PCDH15: variants seen among roughly 807,000 people sequenced by gnomAD.
The protein encoded by PCDH15 is protocadherin related 15.
In PCDH15, 129 loss-of-function variants were observed where a neutral mutation model predicts 178.5. That is an observed-to-expected ratio of 0.72 (90% CI 0.63 to 0.84). The LOEUF is 0.84. Ranked by LOEUF, PCDH15 falls within the 40% of genes least tolerant of loss-of-function variation. PCDH15 has a pLI of 0.00. For synonymous variants in PCDH15, 800 were observed against 732.0 expected, an observed-to-expected ratio of 1.09 and a Z score of -1.50; for missense variants, 2,230 against 2,099.9, an observed-to-expected ratio of 1.06 and a Z score of -1.21.
intron 2 of PCDH15, among the ~76,000 whole-genome samples, chr10:54,549,206 T>C (rs2086250735): frequency 6.9e-6 from 1 of 145,150 alleles, no homozygotes; most frequent in Non-Finnish European, 1.5e-5. Context: ...TCTTTGTCCT[T>C]ATTCTCTTTT....
chr10:54,235,432 G>A (rs1033682865), intron 9 of PCDH15, among the ~76,000 whole-genome samples: 3 of 152,140 alleles, frequency 2.0e-5, no homozygotes, highest in African/African-American at 7.2e-5. Flanking sequence ...CTGGCTCTGA[G>A]TATCATAATT....
intron 2 of PCDH15, among the ~76,000 whole-genome samples, chr10:55,560,868 A>G (rs769378849): frequency 9.9e-5 from 14 of 141,770 alleles, no homozygotes; most frequent in Non-Finnish European, 1.7e-4. Flanking sequence ...AGGGAAATAT[A>G]ACATATAAAT....
intron 2 of PCDH15, among the ~76,000 whole-genome samples, chr10:55,004,907 G>A (rs1839887278): frequency 6.6e-6 from 1 of 151,944 alleles, no homozygotes; most frequent in South Asian, 2.1e-4. Context: ...GAAAAAAAGT[G>A]GCAAAATTTT....
intron 3 of PCDH15, among the ~76,000 whole-genome samples, chr10:54,516,119 C>T (rs908120349): frequency 1.3e-5 from 2 of 152,162 alleles, no homozygotes; most frequent in Non-Finnish European, 2.9e-5. Context: ...TGCAGTTCCT[C>T]ACCAGCAACG....
At chr10:54,118,685 A>T (rs1032379065) in intron 15 of PCDH15, among the ~76,000 whole-genome samples, 2 of 150,648 alleles carry the variant, frequency 1.3e-5, no homozygotes, top group African/African-American at 2.5e-5. Flanking sequence ...AATAAATATT[A>T]AAAAAAATAA....
intron 2 of PCDH15, among the ~76,000 whole-genome samples, chr10:54,583,412 T>C (rs946925034): frequency 6.6e-6 from 1 of 152,014 alleles, no homozygotes; most frequent in African/African-American, 2.4e-5. Flanking sequence ...TGTTACCTTT[T>C]CATGGAGAGG....
chr10:54,478,248 C>T (rs575594116), intron 3 of PCDH15, among the ~76,000 whole-genome samples: 2 of 151,734 alleles, frequency 1.3e-5, no homozygotes, highest in Non-Finnish European at 2.9e-5. Flanking sequence ...AATCGGCAGG[C>T]ATATGCAGAT....
At chr10:53,809,511 T>G (rs1413409135) in intron 37 of PCDH15, 1 of 1,610,220 alleles carries the variant, frequency 6.2e-7, no homozygotes. Flanking sequence ...GCTCTCTAAT[T>G]TCAACCTTTG....
intron 3 of PCDH15, among the ~76,000 whole-genome samples, chr10:54,416,495 T>C (rs1235738973): frequency 6.6e-6 from 1 of 152,180 alleles, no homozygotes; most frequent in Non-Finnish European, 1.5e-5. Flanking sequence ...TTGGTGTATA[T>C]GTACCACATT....
chr10:54,917,061 G>A (rs1837355025), intron 2 of PCDH15, among the ~76,000 whole-genome samples: 1 of 152,188 alleles, frequency 6.6e-6, no homozygotes, highest in Non-Finnish European at 1.5e-5. Flanking sequence ...GCAGATGGAA[G>A]AGTGTTGAAT....
intron 1 of PCDH15, among the ~76,000 whole-genome samples, chr10:54,775,803 G>A (rs996655613): frequency 2.6e-5 from 4 of 152,142 alleles, no homozygotes; most frequent in Admixed American, 1.3e-4. Flanking sequence ...GGAGAATGGC[G>A]TGAACCCGGG....
chr10:54,873,695 T>TTTTATATATATA (rs1554809277), intron 3 of PCDH15, among the ~76,000 whole-genome samples: 5 of 138,928 alleles, frequency 3.6e-5, no homozygotes, highest in African/African-American at 1.1e-4. Flanking sequence ...CTGCTGTATT[T>TTTTATATATATA]TATATATATA....
At chr10:54,839,812 G>A (rs185761633) in intron 3 of PCDH15, among the ~76,000 whole-genome samples, 4 of 152,050 alleles carry the variant, frequency 2.6e-5, no homozygotes, top group East Asian at 1.9e-4. Flanking sequence ...GGTTATCAGC[G>A]TATTTCTCAG....
chr10:54,847,277 T>C (rs772510726), intron 3 of PCDH15, among the ~76,000 whole-genome samples: 3 of 152,198 alleles, frequency 2.0e-5, no homozygotes, highest in Admixed American at 6.5e-5. Context: ...ATGTTTTAAA[T>C]GAAGTGCTAT....
chr10:55,272,884 T>A (rs1327114074), intron 1 of PCDH15, among the ~76,000 whole-genome samples: 1 of 152,106 alleles, frequency 6.6e-6, no homozygotes, highest in East Asian at 1.9e-4. Context: ...TGTAGCTTAT[T>A]TCTTGTTTCA....
chr10:54,576,413 C>T (rs562359300), intron 2 of PCDH15, among the ~76,000 whole-genome samples: 2 of 152,206 alleles, frequency 1.3e-5, no homozygotes, highest in South Asian at 2.1e-4. Context: ...GAATATTTCC[C>T]ACAGAATACT....
chr10:54,968,426 G>A (rs1383096056), intron 2 of PCDH15, among the ~76,000 whole-genome samples: 1 of 129,540 alleles, frequency 7.7e-6, no homozygotes, highest in Admixed American at 9.0e-5. Flanking sequence ...TACAGACTAT[G>A]GTTTATAGAT....
chr10:55,624,370 A>C (rs1463897974), intron 2 of PCDH15, among the ~76,000 whole-genome samples: 2 of 151,922 alleles, frequency 1.3e-5, no homozygotes, highest in Non-Finnish European at 2.9e-5. Flanking sequence ...ATTAGAGAGG[A>C]CGTTTCATTA....
chr10:55,098,531 C>T (rs951542297), intron 2 of PCDH15, among the ~76,000 whole-genome samples: 14 of 152,076 alleles, frequency 9.2e-5, no homozygotes, highest in Non-Finnish European at 1.9e-4. Flanking sequence ...TAGGAAAAGG[C>T]TACCTCAGAC....
Sources: gnomAD v4.1 joint callset for allele counts (sites outside exome capture counted in the v4.1 genomes callset) on GRCh38, gnomAD v4.1.1 for gene constraint, MANE v1.5 for transcripts, NCBI Gene and HGNC (gene_info 2026-07-23, HGNC 2026-07-21) for gene names.